The following DDHD2 variants were observed in gnomAD, a reference collection of about 807,000 sequenced individuals.
DDHD2 encodes triacylglycerol hydrolase DDHD2.
In DDHD2, 62 loss-of-function variants were observed where a neutral mutation model predicts 91.2. The observed-to-expected ratio is 0.68, with a 90% CI of 0.55 to 0.84. DDHD2 has a LOEUF of 0.84. Among genes scored for constraint, DDHD2 ranks in the 40% least tolerant of loss-of-function variants. The pLI is 0.00. For missense variants in DDHD2, 740 were observed against 846.9 expected (o/e 0.87, Z 1.57); for synonymous variants, 271 against 293.9 (o/e 0.92, Z 0.80).
chr8:38,252,368 AT>A (rs200682685), intron 13 of DDHD2, 81 bp downstream of exon 13: 63 of 1,475,492 alleles, frequency 4.3e-5, no homozygotes, highest in Middle Eastern at 2.3e-4. Context: ...TGTTGTGTTG[AT>A]TTTTTTTTCC....
At chr8:38,246,414 T>G in intron 9 of DDHD2, 114 bp downstream of exon 9, 2 of 691,380 alleles carry the variant, frequency 2.9e-6, no homozygotes, top group Non-Finnish European at 5.0e-6. Flanking sequence ...GACATTACAT[T>G]TACACTTATT....
At chr8:38,242,440 T>C in intron 7 of DDHD2, 55 bp downstream of exon 7, 15 of 1,557,928 alleles carry the variant, frequency 9.6e-6, no homozygotes, top group Non-Finnish European at 1.3e-5. Context: ...TTTCTGATCA[T>C]TGCTATGCTT....
At chr8:38,264,252 A>G (rs989105505), downstream of DDHD2, 96 of 753,726 alleles carry the variant, frequency 1.3e-4, no homozygotes, top group Admixed American at 4.2e-5. Flanking sequence ...GGTTCAAGCA[A>G]TTCTCCTACC....
intron 5 of DDHD2, 30 bp from the exon 6 acceptor site, chr8:38,240,245 G>T: frequency 7.2e-7 from 1 of 1,392,624 alleles, no homozygotes; most frequent in South Asian, 1.2e-5. Context: ...TAATTATACA[G>T]AATAATTTTC....
intron 2 of DDHD2, among the ~76,000 whole-genome samples, chr8:38,233,535 G>A (rs1229524902): frequency 1.3e-5 from 2 of 151,850 alleles, no homozygotes; most frequent in African/African-American, 4.8e-5. Flanking sequence ...CTTTCTGACT[G>A]GGCCTCCCAA....
intron 17 of DDHD2, 61 bp downstream of exon 17, chr8:38,260,208 C>A: frequency 1.1e-6 from 1 of 925,966 alleles, no homozygotes. Context: ...TTATAATGAA[C>A]TATGGAGCCT....
intron 2 of DDHD2, 75 bp from the exon 3 acceptor site, chr8:38,234,319 G>C (rs1804530381): frequency 8.8e-7 from 1 of 1,137,974 alleles, no homozygotes; most frequent in Non-Finnish European, 1.2e-6. Context: ...ATTATTTAGA[G>C]TATAACTGAG....
intron 1 of DDHD2, chr8:38,268,014 CAT>C: frequency 6.2e-7 from 1 of 1,613,126 alleles, no homozygotes; most frequent in Non-Finnish European, 8.5e-7. Flanking sequence ...AAGGTATGGT[CAT>C]GGCCTCGTTA....
rs989899472 is a variant in DDHD2, at chr8:38,231,724, G to A, written c.-144G>A. 3.3e-5 allele frequency: 5 copies of A among 152,126 alleles called. No individual in the cohort carries two copies. The highest frequency in any genetic ancestry group is 1.2e-4 in the African/African-American group (5 of 41,438). The allele number at this position is 152,126 out of a possible 1,614,324, so 9.4% of individuals were successfully genotyped here. A position where few individuals can be genotyped will look rare whatever the true frequency, so the allele number is the denominator to read the frequency against. ...GGAGCGCCGTGGCGCCTGGTGTTCG[G>A]CGCGAGCCCGGCGGGGCTGCAGGTT... On this transcript the variant is annotated 5_prime_UTR_variant, in exon 1 of 18. Transcript: ENST00000397166.
intron 1 of DDHD2, chr8:38,268,125 A>G: frequency 7.0e-7 from 1 of 1,431,534 alleles, no homozygotes; most frequent in African/African-American, 1.4e-5. Context: ...GTAGCCGAGA[A>G]CTTTTGTACT....
chr8:38,239,558 G>A (rs1805079074), intron 5 of DDHD2, among the ~76,000 whole-genome samples: 1 of 147,534 alleles, frequency 6.8e-6, no homozygotes, highest in Non-Finnish European at 1.5e-5. Flanking sequence ...GTGGTGGCGT[G>A]TGCGTGTAGT....
intron 1 of DDHD2, chr8:38,268,708 C>G: frequency 7.0e-7 from 1 of 1,432,096 alleles, no homozygotes; most frequent in Non-Finnish European, 9.1e-7. Flanking sequence ...GCTCGGACAC[C>G]CTCCTCTCTC....
downstream of DDHD2, chr8:38,273,171 T>G (rs1379052622): frequency 6.6e-6 from 1 of 152,200 alleles, no homozygotes; most frequent in East Asian, 1.9e-4. Flanking sequence ...CTCCTTTTTG[T>G]ATTTTTAGCA....
chr8:38,243,794 C>A (rs960078920), intron 7 of DDHD2, among the ~76,000 whole-genome samples: 6 of 150,804 alleles, frequency 4.0e-5, no homozygotes, highest in Non-Finnish European at 8.9e-5. Context: ...CCACTTGCAG[C>A]TGATTTTTTT....
chr8:38,240,311 T>G lies in DDHD2; in HGVS notation c.659T>G (p.Val220Gly). Reference sequence around the variant, plus strand: ...CAAATAGATCACTTGGTTTTTGTAGTCCATGGGATTGGACCAGCTTGTGAT... The same window carrying G: ...CAAATAGATCACTTGGTTTTTGTAGGCCATGGGATTGGACCAGCTTGTGAT... Reference protein sequence around the residue: ...PLQIDHLVFVVHGIGPACDLR... With the variant: ...PLQIDHLVFVGHGIGPACDLR... The change falls in exon 6 of 18, where the codon GTC becomes GGC. Residue 220 changes from valine (V) to glycine (G), a missense_variant. Coordinates refer to ENST00000397166, the MANE Select transcript of DDHD2 (RefSeq NM_015214.3). The G allele has an allele frequency of 6.2e-7, 1 of 1,610,568 alleles. No homozygotes were observed. The highest frequency in any genetic ancestry group is 8.5e-7 in the Non-Finnish European group (1 of 1,177,366).
intron 3 of DDHD2, 137 bp downstream of exon 3, chr8:38,234,721 C>A: frequency 1.5e-6 from 1 of 658,298 alleles, no homozygotes; most frequent in Non-Finnish European, 2.4e-6. Flanking sequence ...CATAATAAAG[C>A]ATTTCTATTT....
intron 1 of DDHD2, chr8:38,267,987 G>C (rs572298434): frequency 6.2e-7 from 1 of 1,613,970 alleles, no homozygotes; most frequent in African/African-American, 1.3e-5. Flanking sequence ...TTAGTTGAAA[G>C]GATCTGTCTA....
chr8:38,269,413 C>A (rs915591533), intron 1 of DDHD2, among the ~76,000 whole-genome samples: 1 of 152,274 alleles, frequency 6.6e-6, no homozygotes, highest in Admixed American at 6.5e-5. Flanking sequence ...GAGCCAGCGC[C>A]CCAGTTCCAG....
intron 7 of DDHD2, among the ~76,000 whole-genome samples, chr8:38,244,099 G>T (rs1805445414): frequency 6.6e-6 from 1 of 151,918 alleles, no homozygotes; most frequent in Non-Finnish European, 1.5e-5. Flanking sequence ...CACCATGCCT[G>T]GCCCAATCCA....
Sources: gnomAD v4.1 joint callset for allele counts (sites outside exome capture counted in the v4.1 genomes callset) on GRCh38, gnomAD v4.1.1 for gene constraint, MANE v1.5 for transcripts, NCBI Gene and HGNC (gene_info 2026-07-23, HGNC 2026-07-21) for gene names.